Variants in ALOX15 observed in about 807,000 individuals in gnomAD.
The protein encoded by ALOX15 is arachidonate 15-lipoxygenase.
ALOX15 carries 68 observed loss-of-function variants against 71.7 expected under a neutral mutation model. The observed-to-expected ratio is 0.95, with a 90% CI of 0.78 to 1.16. The LOEUF is 1.16. ALOX15 is among the 50% of genes most tolerant of loss of function. The pLI, the probability that ALOX15 is intolerant of heterozygous loss-of-function variation, is 0.00. For synonymous variants in ALOX15, 346 were observed against 333.3 expected (o/e 1.04, Z -0.42); for missense variants, 798 against 818.8 (o/e 0.97, Z 0.31).
intron 7 of ALOX15, among the ~76,000 whole-genome samples, chr17:4,636,273 T>C (rs1911098102): frequency 1.3e-5 from 2 of 152,158 alleles, no homozygotes; most frequent in Admixed American, 1.3e-4. Context: ...ACCTGCTTCC[T>C]CCATCCCACA....
In ALOX15 at chr17:4,631,354, AAGAAAGAGGAAG is replaced by A. The variant is rs1910887839; in HGVS notation, c.*234_*245del. ...GCTATTTGCCATATAGATCTGAATG[AAGAAAGAGGAAG>A]AGAGAGAGGAAGGAAGATAGGAAAG... On this transcript the variant is annotated 3_prime_UTR_variant, in exon 14 of 14. Transcript: ENST00000293761. The A allele has an allele frequency of 5.5e-6, 3 of 541,878 alleles. No individual in the cohort carries two copies. The highest frequency in any genetic ancestry group is 1.9e-5 in the African/African-American group (1 of 53,136). The allele number at this position is 541,878 out of a possible 1,614,324, so 33.6% of individuals were successfully genotyped here.
At chr17:4,632,157 CA>C in intron 12 of ALOX15, 23 bp downstream of exon 12, 2 of 1,614,046 alleles carry the variant, frequency 1.2e-6, no homozygotes, top group East Asian at 4.5e-5. Context: ...CCCAAATTCC[CA>C]GCTGCCCATC....
rs545628767 is a variant in ALOX15 at position 4,637,084 on chromosome 17, G to T, written c.951+31C>A. 5.0e-6 allele frequency: 8 copies of T among 1,589,440 alleles called. No homozygotes were observed. The African/African-American group carries it at 1.1e-4, about 21-fold the overall frequency. ...GGGCTGAGCTTTCTCAAAAGCCAGA[G>T]ACTGGGAGCAGAAATCCTGAGTCCT... On this transcript the variant is annotated intron_variant, in intron 7 of 13. Coordinates refer to ENST00000293761, the MANE Select transcript of ALOX15 (RefSeq NM_001140.5).
At position 4,639,563 on chromosome 17, in the gene ALOX15, C is replaced by T. The variant is rs762628753; in HGVS notation, c.204G>A (p.Arg68=). The change falls in exon 2 of 14, where the codon CGG becomes CGA. Residue 68 remains arginine, a synonymous_variant. Coordinates refer to ENST00000293761, the MANE Select transcript of ALOX15 (RefSeq NM_001140.5). The part of the protein sequence containing the change: ...GPLLFVKLRK[R]HLLKDDAWFC... Reference sequence around the variant, plus strand: ...ACCAGGCGTCGTCCTTAAGGAGGTGCCGTTTGCGCAGTTTCACAAACAGCA... The same window carrying T: ...ACCAGGCGTCGTCCTTAAGGAGGTGTCGTTTGCGCAGTTTCACAAACAGCA... The T allele has an allele frequency of 5.6e-6, 9 of 1,613,744 alleles. No homozygotes were observed. In the South Asian group the frequency reaches 7.7e-5, roughly 14 times the overall value.
Position 4,639,470 on chromosome 17 carries a change from C to A in ALOX15, c.297G>T (p.Trp99Cys). 6.2e-7 allele frequency: 1 copy of A among 1,613,850 alleles called. No homozygotes were observed. Among genetic ancestry groups the A allele is most frequent in the Non-Finnish European group, 8.5e-7 (1 of 1,180,010 alleles). ...GDEVRFPCYR[W>C]VEGNGVLSLP... ...GGCTCAGGACGCCGTTGCCCTCCACCCAGCGGTAACAAGGGAACCTGACCT... is the reference window on the plus strand; with the variant it reads ...GGCTCAGGACGCCGTTGCCCTCCACACAGCGGTAACAAGGGAACCTGACCT... The change falls in exon 2 of 14, where the codon TGG (tryptophan) becomes TGT (cysteine). Residue 99 changes from tryptophan (W) to cysteine (C), a missense_variant. This residue lies in a region of ALOX15 where 300 missense variants were observed against 283.1 expected (regional missense o/e 1.06). Coordinates refer to ENST00000293761, the MANE Select transcript of ALOX15 (RefSeq NM_001140.5).
Position 4,639,605 on chromosome 17 carries a change from C to T in ALOX15, c.162G>A (p.Pro54=), listed in dbSNP as rs775608417. ...GKETELKVEV[P]EYLGPLLFVK... Reference sequence around the variant, plus strand: ...CAAACAGCAGCGGCCCCAGATACTCCGGTACTTCCACCTTGAGTTCTGTCT... The same window carrying T: ...CAAACAGCAGCGGCCCCAGATACTCTGGTACTTCCACCTTGAGTTCTGTCT... Residue 54 remains proline (P), a synonymous_variant, in exon 2 of 14, where the codon CCG becomes CCA. Coordinates refer to ENST00000293761, the MANE Select transcript of ALOX15 (RefSeq NM_001140.5). 4 of 1,613,372 alleles carry T rather than the reference C, an allele frequency of 2.5e-6. No individual in the cohort carries two copies. The highest frequency in any genetic ancestry group is 1.3e-5 in the African/African-American group (1 of 74,914).
chr17:4,635,059 C>T (rs1039268241), intron 8 of ALOX15, among the ~76,000 whole-genome samples: 1 of 151,962 alleles, frequency 6.6e-6, no homozygotes. Context: ...GATGTTCTAA[C>T]CACTGCCTCC....
At chr17:4,641,435 A>T in intron 1 of ALOX15, 82 bp downstream of exon 1, 1 of 1,538,648 alleles carries the variant, frequency 6.5e-7, no homozygotes, top group East Asian at 2.3e-5. Context: ...CCAGAGGCCA[A>T]CGGGGGCGCA....
rs1196354555 is a variant in ALOX15, at chr17:4,638,327, G to A, written c.697C>T (p.Leu233Phe). 4 of 856,912 alleles carry A rather than the reference G, an allele frequency of 4.7e-6. No homozygotes were observed. The highest frequency in any genetic ancestry group is 7.4e-6 in the Non-Finnish European group (4 of 538,604). 53.1% of individuals were successfully genotyped at this position (856,912 alleles called of 1,614,324 possible). Residue 233 changes from leucine (L) to phenylalanine (F), a missense_variant, in exon 6 of 14, where the codon CTT (leucine) becomes TTT (phenylalanine). Coordinates refer to ENST00000293761, the MANE Select transcript of ALOX15 (RefSeq NM_001140.5). ...KEDALFGYQFLNGANPVVLRR... is the reference protein window; with the variant it reads ...KEDALFGYQFFNGANPVVLRR... ...AGCACCACGGGGTTGGCGCCATTAA[G>A]AAACTGGTACCCAAATAAGGCATCT...
At chr17:4,637,046 A>C (rs1390580530) in intron 7 of ALOX15, 69 bp downstream of exon 7, 5 of 1,539,240 alleles carry the variant, frequency 3.2e-6, no homozygotes, top group Non-Finnish European at 4.4e-6. Context: ...GGTGCTCAGT[A>C]AATTTTGATA....
intron 1 of ALOX15, 79 bp downstream of exon 1, chr17:4,641,438 G>A: frequency 6.5e-7 from 1 of 1,542,022 alleles, no homozygotes; most frequent in South Asian, 1.2e-5. Flanking sequence ...GAGGCCAACG[G>A]GGGCGCATGT....
Position 4,639,460 on chromosome 17 carries a change from T to C in ALOX15, c.307A>G (p.Asn103Asp), listed in dbSNP as rs141775682. Residue 103 changes from asparagine (N) to aspartate (D), a missense_variant, in exon 2 of 14, where the codon AAC becomes GAC. By Grantham distance (23) the Asn-to-Asp change is conservative (BLOSUM62 1). This residue lies in a region of ALOX15 where 300 missense variants were observed against 283.1 expected (regional missense o/e 1.06). Coordinates refer to ENST00000293761, the MANE Select transcript of ALOX15 (RefSeq NM_001140.5). ...RFPCYRWVEG[N>D]GVLSLPEGTG... Reference sequence around the variant, plus strand: ...CCTTCAGGCAGGCTCAGGACGCCGTTGCCCTCCACCCAGCGGTAACAAGGG... The same window carrying C: ...CCTTCAGGCAGGCTCAGGACGCCGTCGCCCTCCACCCAGCGGTAACAAGGG... 736 of 1,613,482 alleles carry C rather than the reference T, an allele frequency of 4.6e-4. 1 individual carries two copies. Among genetic ancestry groups the C allele is most frequent in the Middle Eastern group, 2.8e-3 (17 of 6,058 alleles).
chr17:4,632,982 C>T lies in ALOX15; in HGVS notation c.1419G>A (p.Arg473=), dbSNP rs747255880. ...GGAGACTCACGATTCCTTCCACATA[C>T]CTACCAACCAACGGAGCAGGGCCAG... ...DALRLWEIIY[R]YVEGIVSLHY... Residue 473 remains arginine, a splice_region_variant and synonymous_variant, in exon 11 of 14, where the codon CGG becomes CGA. Coordinates refer to ENST00000293761, the MANE Select transcript of ALOX15 (RefSeq NM_001140.5). The T allele has an allele frequency of 4.3e-6, 7 of 1,614,020 alleles. No homozygotes were observed. In the African/African-American group the frequency reaches 6.7e-5, roughly 15 times the overall value.
rs374001013 is a variant in ALOX15, at chr17:4,632,018, C to T, written c.1680G>A (p.Thr560=). 1.9e-5 allele frequency: 30 copies of T among 1,613,512 alleles called. No individual in the cohort carries two copies. Among genetic ancestry groups the T allele is most frequent in the Middle Eastern group, 1.7e-4 (1 of 6,058 alleles). ...WYSWVPNAPC[T]MRLPPPTTKD... is the part of the protein sequence containing the mutation. ...TGGTGGTTGGCGGGGGCAGCCGCATCGTGCAGGGTGCATTAGGCACCCAAG... is the reference window on the plus strand; with the variant it reads ...TGGTGGTTGGCGGGGGCAGCCGCATTGTGCAGGGTGCATTAGGCACCCAAG... The change falls in exon 13 of 14, where the codon ACG becomes ACA. Residue 560 remains threonine, a synonymous_variant. Transcript: ENST00000293761.
At chr17:4,639,242 G>A in intron 2 of ALOX15, 110 bp from the exon 3 acceptor site, 1 of 1,444,248 alleles carries the variant, frequency 6.9e-7, no homozygotes, top group South Asian at 1.2e-5. Flanking sequence ...TGCCCCTTCA[G>A]CATCACGCCC....
At chr17:4,634,169 T>A (rs765880444) in intron 8 of ALOX15, among the ~76,000 whole-genome samples, 10 of 152,220 alleles carry the variant, frequency 6.6e-5, no homozygotes, top group Non-Finnish European at 1.3e-4. Flanking sequence ...CCATGTATCC[T>A]TGAACCTAAA....
chr17:4,632,346 G>T (rs372526745), intron 11 of ALOX15, 65 bp from the exon 12 acceptor site: 1 of 1,323,602 alleles, frequency 7.6e-7, no homozygotes, highest in Non-Finnish European at 1.1e-6. Flanking sequence ...AGAGGAAGAG[G>T]CCAAGAGAGG....
intron 1 of ALOX15, among the ~76,000 whole-genome samples, chr17:4,640,947 G>C (rs993828219): frequency 3.3e-5 from 5 of 151,584 alleles, no homozygotes; most frequent in Non-Finnish European, 7.4e-5. Flanking sequence ...TCCGGATTTG[G>C]GGATCTGGGA....
chr17:4,641,455 C>G (rs992159422), intron 1 of ALOX15, 62 bp downstream of exon 1: 2 of 1,570,868 alleles, frequency 1.3e-6, no homozygotes, highest in African/African-American at 1.4e-5. Context: ...ATGTCCTCCC[C>G]GGTATTTGAC....
Sources: allele counts gnomAD v4.1 joint callset (sites outside exome capture counted in the v4.1 genomes callset), GRCh38; gene constraint gnomAD v4.1.1; regional missense constraint gnomAD v4.1.1; transcripts MANE v1.5; gene names NCBI Gene and HGNC (gene_info 2026-07-23, HGNC 2026-07-21).